Variants in MED13L observed in about 807,000 individuals in gnomAD.
MED13L encodes mediator complex subunit 13L.
A neutral mutation model predicts 220.9 loss-of-function variants in MED13L; 7 were observed. That is an observed-to-expected ratio of 0.03 (90% CI 0.02 to 0.06). The LOEUF is 0.06. Among genes scored for constraint, MED13L ranks in the 10% least tolerant of loss-of-function variants. The pLI, the probability that MED13L is intolerant of heterozygous loss-of-function variation, is 1.00. For synonymous variants in MED13L, 1,011 were observed against 1,015.2 expected, an observed-to-expected ratio of 1.00 and a Z score of 0.08; for missense variants, 1,965 against 2,760.5, an observed-to-expected ratio of 0.71 and a Z score of 6.46.
chr12:116,147,970 T>C (rs1340774354), intron 2 of MED13L, among the ~76,000 whole-genome samples: 1 of 141,268 alleles, frequency 7.1e-6, no homozygotes, highest in Non-Finnish European at 1.5e-5. Context: ...TCACTTCTCC[T>C]GGCCCGGGAG....
chr12:116,050,918 G>A (rs1045436353), intron 4 of MED13L, among the ~76,000 whole-genome samples: 6 of 152,130 alleles, frequency 3.9e-5, no homozygotes, highest in African/African-American at 1.4e-4. Context: ...GGGCAACAGA[G>A]TGAGACTCCA....
intron 1 of MED13L, among the ~76,000 whole-genome samples, chr12:116,244,358 C>T (rs1206369006): frequency 6.6e-6 from 1 of 152,178 alleles, no homozygotes; most frequent in African/African-American, 2.4e-5. Flanking sequence ...CTCTCCTAAA[C>T]CCCTGTAAGA....
rs1416112162 is a variant in MED13L, at chr12:116,271,855, C to G, written c.72+5205G>C. On this transcript the variant is annotated intron_variant, in intron 1 of 30. Coordinates refer to ENST00000281928, the MANE Select transcript of MED13L (RefSeq NM_015335.5). Reference sequence around the variant, plus strand: ...TTCTCATAAAATCTGTCTAATCTGGCTAACTGGTTAGCTCCTGTGAAATAA... The same window carrying G: ...TTCTCATAAAATCTGTCTAATCTGGGTAACTGGTTAGCTCCTGTGAAATAA... Among the ~76,000 whole-genome samples the G allele has an allele frequency of 2.0e-5, 3 of 152,042 alleles. No homozygotes were observed. In the East Asian group the frequency reaches 5.8e-4, roughly 29 times the overall value.
chr12:116,117,310 A>G (rs936726760), intron 2 of MED13L, among the ~76,000 whole-genome samples: 10 of 152,128 alleles, frequency 6.6e-5, no homozygotes, highest in African/African-American at 1.9e-4. Flanking sequence ...CCAAAGGGAC[A>G]CCGGAAATTT....
chr12:116,180,140 A>C (rs1880411989), intron 2 of MED13L, among the ~76,000 whole-genome samples: 1 of 152,208 alleles, frequency 6.6e-6, no homozygotes, highest in African/African-American at 2.4e-5. Flanking sequence ...CTGTCTTGGT[A>C]CTGCTGGCAT....
chr12:116,056,876 T>G (rs1869018846), intron 4 of MED13L, among the ~76,000 whole-genome samples: 2 of 152,230 alleles, frequency 1.3e-5, no homozygotes, highest in African/African-American at 4.8e-5. Flanking sequence ...TTGCTGTGGT[T>G]TGTGATCTTT....
intron 1 of MED13L, among the ~76,000 whole-genome samples, chr12:116,253,648 C>T (rs1338791073): frequency 6.6e-6 from 1 of 151,614 alleles, no homozygotes; most frequent in Non-Finnish European, 1.5e-5. Context: ...TTTAGAAACC[C>T]ATCAGTATAA....
chr12:116,054,877 T>C (rs1435465786), intron 4 of MED13L, among the ~76,000 whole-genome samples: 2 of 152,204 alleles, frequency 1.3e-5, no homozygotes, highest in African/African-American at 4.8e-5. Context: ...AGAAAATATG[T>C]GCCAGAATGT....
At chr12:115,992,634 T>G (rs1374240668) in intron 16 of MED13L, among the ~76,000 whole-genome samples, 1 of 152,230 alleles carries the variant, frequency 6.6e-6, no homozygotes. Flanking sequence ...ATATTACATA[T>G]GCGGCTAAGA....
At chr12:116,198,635 C>T (rs1881804083) in intron 2 of MED13L, among the ~76,000 whole-genome samples, 1 of 152,160 alleles carries the variant, frequency 6.6e-6, no homozygotes, top group African/African-American at 2.4e-5. Flanking sequence ...GTTAATGTTG[C>T]CATAACTTAA....
intron 1 of MED13L, among the ~76,000 whole-genome samples, chr12:116,269,686 G>T (rs891480475): frequency 3.9e-5 from 6 of 151,980 alleles, no homozygotes; most frequent in African/African-American, 7.2e-5. Context: ...AGACAAAAAA[G>T]AAAAACAGTA....
chr12:116,065,469 T>C lies in MED13L; in HGVS notation c.479+31200A>G, dbSNP rs939757782. On this transcript the variant is annotated intron_variant, in intron 4 of 30. Transcript: ENST00000281928. ...GATTTTTTACAATATGATCTGAAGA[T>C]AATTTGAAGAAATTATGTAAAATAT... is the stretch of plus-strand genomic sequence containing the variant. Among the ~76,000 whole-genome samples the C allele has an allele frequency of 2.0e-5, 3 of 152,232 alleles. 1 individual carries two copies. Among genetic ancestry groups the C allele is most frequent in the African/African-American group, 7.2e-5 (3 of 41,458 alleles).
chr12:116,019,101 C>G, intron 7 of MED13L, 123 bp downstream of exon 7: 1 of 930,384 alleles, frequency 1.1e-6, no homozygotes, highest in South Asian at 1.8e-5. Context: ...AATATCCTTA[C>G]GTTACTCTAC....
At chr12:116,276,710 C>CG (rs869260725) in intron 1 of MED13L, 4 of 1,148,890 alleles carry the variant, frequency 3.5e-6, no homozygotes, top group Non-Finnish European at 4.3e-6. Context: ...TCCACATTTA[C>CG]GGGGGGAAAA....
At chr12:116,105,071 A>C (rs1241295209) in intron 3 of MED13L, among the ~76,000 whole-genome samples, 2 of 152,234 alleles carry the variant, frequency 1.3e-5, no homozygotes, top group East Asian at 3.8e-4. Flanking sequence ...ATCCTAACAA[A>C]GTAACAGCCA....
intron 1 of MED13L, among the ~76,000 whole-genome samples, chr12:116,274,215 C>G (rs144491172): frequency 6.6e-6 from 1 of 152,070 alleles, no homozygotes; most frequent in South Asian, 2.1e-4. Context: ...AGTAAAAAAT[C>G]AGAAAATAAG....
chr12:116,267,532 C>G (rs991532472), intron 1 of MED13L, among the ~76,000 whole-genome samples: 1 of 152,136 alleles, frequency 6.6e-6, no homozygotes, highest in Admixed American at 6.5e-5. Context: ...TTAAAAGGTA[C>G]TCAAAATGAT....
At chr12:115,969,541 C>T (rs1169865230) in intron 27 of MED13L, among the ~76,000 whole-genome samples, 1 of 151,992 alleles carries the variant, frequency 6.6e-6, no homozygotes, top group Non-Finnish European at 1.5e-5. Flanking sequence ...AAAATGGAGA[C>T]CTATTCCAAA....
intron 27 of MED13L, among the ~76,000 whole-genome samples, chr12:115,969,852 A>G (rs1876460127): frequency 1.3e-5 from 2 of 152,152 alleles, no homozygotes; most frequent in South Asian, 4.1e-4. Flanking sequence ...ATCCTCCCCA[A>G]CATTATAAAA....
Sources: gnomAD v4.1 joint callset for allele counts (sites outside exome capture counted in the v4.1 genomes callset) on GRCh38, gnomAD v4.1.1 for gene constraint, MANE v1.5 for transcripts, NCBI Gene and HGNC (gene_info 2026-07-23, HGNC 2026-07-21) for gene names.